EPAS1: variants seen among roughly 807,000 people sequenced by gnomAD.
The protein encoded by EPAS1 is endothelial PAS domain-containing protein 1.
EPAS1 carries 23 observed loss-of-function variants against 87.9 expected under a neutral mutation model. The observed-to-expected ratio is 0.26, with a 90% CI of 0.19 to 0.37. The LOEUF is 0.37. EPAS1 is among the 10% of genes least tolerant of loss of function. EPAS1 has a pLI of 1.00. For missense variants in EPAS1, 1,138 were observed against 1,120.7 expected, an observed-to-expected ratio of 1.02 and a Z score of -0.22; for synonymous variants, 508 against 444.3, an observed-to-expected ratio of 1.14 and a Z score of -1.80.
Position 46,347,081 on chromosome 2 carries a change from C to T in EPAS1, c.217+18C>T. 1 of 1,614,094 alleles carries T rather than the reference C, an allele frequency of 6.2e-7. No individual in the cohort carries two copies. The highest frequency in any genetic ancestry group is 8.5e-7 in the Non-Finnish European group (1 of 1,179,960). ...CTCCTCAGGTAAGGCCAGCAGGCTC[C>T]CCTAGGCTGGGCAGATGCCAGCCTT... is the stretch of plus-strand genomic sequence containing the variant. On this transcript the variant is annotated intron_variant, in intron 2 of 15. Transcript: ENST00000263734. The surrounding 1 kb of genome is among the most constrained non-coding windows in gnomAD (Gnocchi z 4.2).
chr2:46,368,132 A>T (rs1273975129), intron 6 of EPAS1, among the ~76,000 whole-genome samples: 1 of 152,190 alleles, frequency 6.6e-6, no homozygotes, highest in East Asian at 1.9e-4. Context: ...CCCTGAGTTC[A>T]GGGGTTGACA....
chr2:46,362,019 A>C (rs1212948044), intron 6 of EPAS1, among the ~76,000 whole-genome samples: 3 of 152,226 alleles, frequency 2.0e-5, no homozygotes, highest in Non-Finnish European at 4.4e-5. Flanking sequence ...GACTGGGCCC[A>C]GGGTAGGCCT....
intron 1 of EPAS1, among the ~76,000 whole-genome samples, chr2:46,316,296 T>C (rs189807515): frequency 6.6e-6 from 1 of 152,192 alleles, no homozygotes; most frequent in East Asian, 1.9e-4. Context: ...TTTCACTCCG[T>C]TGCACAGACT....
At position 46,382,162 on chromosome 2, in the gene EPAS1, G is replaced by C. The variant is rs941864230; in HGVS notation, c.2287+73G>C. ...GACTGGGGCTCGGGAGCCCATCCTG[G>C]TTCTTCCATTCACCACAGGCCGTAC... On this transcript the variant is annotated intron_variant, in intron 14 of 15. Coordinates refer to ENST00000263734, the MANE Select transcript of EPAS1 (RefSeq NM_001430.5). The C allele has an allele frequency of 5.7e-6, 8 of 1,409,270 alleles. No homozygotes were observed. In the Admixed American group the frequency reaches 9.4e-5, roughly 17 times the overall value. The allele number at this position is 1,409,270 out of a possible 1,614,324, so 87.3% of individuals were successfully genotyped here.
chr2:46,381,423 C>CA, intron 12 of EPAS1, 173 bp from the exon 13 acceptor site: 1 of 973,684 alleles, frequency 1.0e-6, no homozygotes, highest in South Asian at 1.4e-5. Flanking sequence ...AGGAAGGAGA[C>CA]AGAGCTCGAG....
At chr2:46,352,217 C>G (rs1017149807) in intron 2 of EPAS1, among the ~76,000 whole-genome samples, 1 of 152,146 alleles carries the variant, frequency 6.6e-6, no homozygotes, top group African/African-American at 2.4e-5. Flanking sequence ...TATTGAGCAC[C>G]TACTCTGGGC....
At chr2:46,373,751 G>T (rs1417687968) in intron 7 of EPAS1, among the ~76,000 whole-genome samples, 1 of 152,186 alleles carries the variant, frequency 6.6e-6, no homozygotes. Context: ...AAATGGGTGT[G>T]TGTTTTATTG....
intron 1 of EPAS1, among the ~76,000 whole-genome samples, chr2:46,338,653 A>T (rs1683847218): frequency 6.6e-6 from 1 of 152,218 alleles, no homozygotes. Context: ...ACTGGATTAG[A>T]GTCAAAGGAA....
In EPAS1 at chr2:46,300,159, T is replaced by G. The variant is rs1682968926; in HGVS notation, c.26+2222T>G. ...TCTGTTTGCTGGCTGCAGGCTTCTT[T>G]AGGGACCAAGATGTAATTAAAATAT... On this transcript the variant is annotated intron_variant, in intron 1 of 15. Coordinates refer to ENST00000263734, the MANE Select transcript of EPAS1 (RefSeq NM_001430.5). The surrounding 1 kb of genome is among the most constrained non-coding windows in gnomAD (Gnocchi z 4.1). Among the ~76,000 whole-genome samples the G allele has an allele frequency of 6.6e-6, 1 of 152,240 alleles. No homozygotes were observed. The highest frequency in any genetic ancestry group is 1.5e-5 in the Non-Finnish European group (1 of 68,044).
intron 1 of EPAS1, among the ~76,000 whole-genome samples, chr2:46,344,853 G>A (rs917118323): frequency 6.6e-6 from 1 of 152,194 alleles, no homozygotes; most frequent in African/African-American, 2.4e-5. Context: ...CCTTTAATCC[G>A]AGTATATGAT....
intron 1 of EPAS1, among the ~76,000 whole-genome samples, chr2:46,338,151 G>A (rs1683835536): frequency 6.6e-6 from 1 of 152,208 alleles, no homozygotes; most frequent in Non-Finnish European, 1.5e-5. Context: ...AGGGTCAAAT[G>A]ATCCAGGTTT....
chr2:46,298,958 G>A (rs938809311), intron 1 of EPAS1, among the ~76,000 whole-genome samples: 3 of 152,228 alleles, frequency 2.0e-5, no homozygotes, highest in Non-Finnish European at 4.4e-5. Flanking sequence ...CCCCGCGCTT[G>A]GCCGCGGCTT....
rs945079406 is a variant in EPAS1 at position 46,360,225 on chromosome 2, C to T, written c.455-413C>T. On this transcript the variant is annotated intron_variant, in intron 4 of 15. Transcript: ENST00000263734. This position sits in a 1 kb window ranked among gnomAD's most constrained non-coding sequence, Gnocchi z 4.5. ...ATTTCTAACCTGTGAGGAAGGCTTA[C>T]ACCCTTGGAGTAACTGTGGCCTCAC... Among the ~76,000 whole-genome samples, 1 of 152,216 alleles carries T rather than the reference C, an allele frequency of 6.6e-6. No individual in the cohort carries two copies. Among genetic ancestry groups the T allele is most frequent in the Non-Finnish European group, 1.5e-5 (1 of 68,040 alleles).
At chr2:46,369,324 C>A (rs139097287) in intron 6 of EPAS1, among the ~76,000 whole-genome samples, 10 of 152,310 alleles carry the variant, frequency 6.6e-5, no homozygotes, top group African/African-American at 2.4e-4. Context: ...AAAGGTGGCT[C>A]TACCTGGGGC....
In EPAS1 at chr2:46,371,150, C is replaced by T. The variant is rs975741214; in HGVS notation, c.886+1217C>T. On this transcript the variant is annotated intron_variant, in intron 7 of 15. Transcript: ENST00000263734. This position sits in a 1 kb window ranked among gnomAD's most constrained non-coding sequence, Gnocchi z 4.3. ...GAGAGGATTATGGGAGGATTAAAAA[C>T]GGGTAAAGTAAGTCTGAGAAGATTC... Among the ~76,000 whole-genome samples the T allele has an allele frequency of 7.2e-5, 11 of 152,102 alleles. No homozygotes were observed. The highest frequency in any genetic ancestry group is 4.1e-4 in the South Asian group (2 of 4,824).
Position 46,381,659 on chromosome 2 carries a change from C to T in EPAS1, c.2109C>T (p.Ser703=). 1 of 1,614,048 alleles carries T rather than the reference C, an allele frequency of 6.2e-7. No homozygotes were observed. The change falls in exon 13 of 16, where the codon TCC becomes TCT. Residue 703 remains serine, a synonymous_variant. Coordinates refer to ENST00000263734, the MANE Select transcript of EPAS1 (RefSeq NM_001430.5). ...TGAGTCCGGCCATGGTAGCCCTCTCCAACAAGCTGAAGCTGAAGCGACAGC... is the reference window on the plus strand; with the variant it reads ...TGAGTCCGGCCATGGTAGCCCTCTCTAACAAGCTGAAGCTGAAGCGACAGC... ...DVLSPAMVAL[S]NKLKLKRQLE...
rs769123299 is a variant in EPAS1 at position 46,384,810 on chromosome 2, T to G, written c.*150T>G. The stretch of plus-strand genomic sequence containing the variant: ...CAGACTTGCCCAGGTCACCAAGCAG[T>G]GGCCTTTTTCTGAGATGCTCACTTT... On this transcript the variant is annotated 3_prime_UTR_variant, in exon 16 of 16. Coordinates refer to ENST00000263734, the MANE Select transcript of EPAS1 (RefSeq NM_001430.5). 3.6e-5 allele frequency: 35 copies of G among 978,626 alleles called. 1 individual carries two copies. Among genetic ancestry groups the G allele is most frequent in the South Asian group, 2.4e-4 (16 of 67,902 alleles). The allele number at this position is 978,626 out of a possible 1,614,324, so 60.6% of individuals were successfully genotyped here. A position where few individuals can be genotyped will look rare whatever the true frequency, so the allele number is the denominator to read the frequency against.
intron 7 of EPAS1, 51 bp downstream of exon 7, chr2:46,369,984 C>A: frequency 7.2e-7 from 1 of 1,385,566 alleles, no homozygotes; most frequent in Non-Finnish European, 1.0e-6. Flanking sequence ...TGGTATGTGG[C>A]CTTGAGTGGG....
At chr2:46,308,251 A>G (rs150765737) in intron 1 of EPAS1, among the ~76,000 whole-genome samples, 20 of 152,228 alleles carry the variant, frequency 1.3e-4, no homozygotes, top group Admixed American at 3.3e-4. Context: ...ATCTTACACA[A>G]AATCACTAAG....
Sources: gnomAD v4.1 joint callset for allele counts (sites outside exome capture counted in the v4.1 genomes callset) on GRCh38, gnomAD v4.1.1 for gene constraint, Gnocchi (gnomAD v3.1) non-coding constraint, MANE v1.5 for transcripts, NCBI Gene and HGNC (gene_info 2026-07-23, HGNC 2026-07-21) for gene names.